Variants in STRIP2 observed in about 807,000 individuals in gnomAD.
STRIP2 encodes striatin interacting protein 2, also known as striatin-interacting protein 2.
Under a neutral mutation model 107.1 loss-of-function variants are expected in STRIP2, and 84 were observed. The observed-to-expected ratio is 0.78, with a 90% CI of 0.66 to 0.94. The LOEUF is 0.94. Among genes scored for constraint, STRIP2 ranks in the 40% least tolerant of loss-of-function variants. STRIP2 has a pLI of 0.00. For missense variants in STRIP2, 888 were observed against 1,034.2 expected (o/e 0.86, Z 1.94); for synonymous variants, 394 against 400.4 (o/e 0.98, Z 0.19).
At chr7:129,481,289 G>T (rs1411000087) in intron 19 of STRIP2, among the ~76,000 whole-genome samples, 1 of 151,216 alleles carries the variant, frequency 6.6e-6, no homozygotes, top group East Asian at 2.0e-4. Flanking sequence ...ACAAGGTCAG[G>T]AGTTCGAGAC....
At chr7:129,460,127 G>A (rs539095927) in intron 12 of STRIP2, among the ~76,000 whole-genome samples, 174 bp from the exon 13 acceptor site, 1 of 152,358 alleles carries the variant, frequency 6.6e-6, no homozygotes, top group East Asian at 1.9e-4. Flanking sequence ...CACTTTGACT[G>A]GTGCTGATGA....
At chr7:129,447,582 C>T (rs1031237511) in intron 3 of STRIP2, among the ~76,000 whole-genome samples, 10 of 152,126 alleles carry the variant, frequency 6.6e-5, no homozygotes, top group East Asian at 1.9e-4. Context: ...AAGGTCTCTC[C>T]GAATAAGATT....
chr7:129,442,225 A>T (rs1797919901), intron 2 of STRIP2, among the ~76,000 whole-genome samples: 2 of 151,982 alleles, frequency 1.3e-5, no homozygotes, highest in Admixed American at 1.3e-4. Flanking sequence ...ACTCCATCTC[A>T]AATAATAATA....
intron 17 of STRIP2, among the ~76,000 whole-genome samples, chr7:129,470,015 A>G (rs1043410896): frequency 6.6e-6 from 1 of 152,200 alleles, no homozygotes; most frequent in Non-Finnish European, 1.5e-5. Flanking sequence ...GTCATAATGC[A>G]ATGCCTTATT....
At chr7:129,472,776 C>CTTTTTTT (rs1798822125) in intron 18 of STRIP2, among the ~76,000 whole-genome samples, 4 of 78,278 alleles carry the variant, frequency 5.1e-5, no homozygotes, top group African/African-American at 9.7e-5. Flanking sequence ...TTTTCTTTTC[C>CTTTTTTT]TTTTTTTTTT....
rs544536095 is a variant in STRIP2 at position 129,486,996 on chromosome 7, C to CTTTTTT, written c.*1196_*1201dup. 36 of 53,202 alleles carry CTTTTTT rather than the reference C, an allele frequency of 6.8e-4. 1 individual carries two copies. The highest frequency in any genetic ancestry group is 1.1e-3 in the South Asian group (1 of 938). The allele number at this position is 53,202 out of a possible 1,614,324, so 3.3% of individuals were successfully genotyped here. A position where few individuals can be genotyped will look rare whatever the true frequency, so the allele number is the denominator to read the frequency against. ...TTTCTGATTTAGTTAGGATCATATG[C>CTTTTTT]TTTTTTTTTTTTTTTTTTTTTTTTT... is the stretch of plus-strand genomic sequence containing the variant. On this transcript the variant is annotated 3_prime_UTR_variant, in exon 21 of 21. Transcript: ENST00000249344.
At chr7:129,466,615 G>A (rs1223839585) in intron 16 of STRIP2, among the ~76,000 whole-genome samples, 1 of 152,074 alleles carries the variant, frequency 6.6e-6, no homozygotes, top group Non-Finnish European at 1.5e-5. Context: ...CTGCTCTTAT[G>A]GCCACCTGTC....
intron 8 of STRIP2, among the ~76,000 whole-genome samples, 175 bp from the exon 9 acceptor site, chr7:129,456,264 C>T (rs568874051): frequency 4.1e-4 from 62 of 151,396 alleles, no homozygotes; most frequent in African/African-American, 1.3e-3. Flanking sequence ...CCTCAGTTGC[C>T]GTGGGGATGG....
rs758536953 is a variant in STRIP2 at position 129,450,918 on chromosome 7, C to CTTTTTTTTTTTTT, written c.275-671_275-659dup. Among the ~76,000 whole-genome samples, 4 of 54,512 alleles carry CTTTTTTTTTTTTT rather than the reference C, an allele frequency of 7.3e-5. 1 individual carries two copies. The highest frequency in any genetic ancestry group is 2.4e-4 in the African/African-American group (3 of 12,684). 35.8% of individuals were successfully genotyped at this position (54,512 alleles called of 152,430 possible). On this transcript the variant is annotated intron_variant, in intron 3 of 20. Coordinates refer to ENST00000249344, the MANE Select transcript of STRIP2 (RefSeq NM_020704.3). ...GGCCACAGCATTAGTGAGAAAGGTC[C>CTTTTTTTTTTTTT]TTTTTTTTTTTTTTTTTTTTTTTTT...
Position 129,483,272 on chromosome 7 carries a change from T to G in STRIP2, c.2254+226T>G. ...ATGAAAATCCGTTTTATAAAACAAG[T>G]AAATTGAGAGATAATTAATTGCCTT... On this transcript the variant is annotated intron_variant, in intron 20 of 20. Coordinates refer to ENST00000249344, the MANE Select transcript of STRIP2 (RefSeq NM_020704.3). This position sits in a 1 kb window ranked among gnomAD's most constrained non-coding sequence, Gnocchi z 5.1. 8.0e-7 allele frequency: 1 copy of G among 1,244,546 alleles called. No individual in the cohort carries two copies. The highest frequency in any genetic ancestry group is 1.0e-6 in the Non-Finnish European group (1 of 992,756). 77.1% of individuals were successfully genotyped at this position (1,244,546 alleles called of 1,614,324 possible).
chr7:129,482,675 G>GC (rs370196841), intron 19 of STRIP2, among the ~76,000 whole-genome samples, 167 bp from the exon 20 acceptor site: 2 of 152,092 alleles, frequency 1.3e-5, no homozygotes, highest in African/African-American at 4.8e-5. Flanking sequence ...ACCTTGCCCA[G>GC]CCCCCCTCTA....
In STRIP2 at chr7:129,454,142, C is replaced by G. The variant is rs781391687; in HGVS notation, c.531C>G (p.Asp177Glu). The G allele has an allele frequency of 6.2e-7, 1 of 1,613,984 alleles. No individual in the cohort carries two copies. Among genetic ancestry groups the G allele is most frequent in the Non-Finnish European group, 8.5e-7 (1 of 1,179,930 alleles). ...TFLELLHMEI[D>E]NSQACSSALR... ...TGTTCTTTTTCTCCTCCCCTGGCAGCAACAGCCAGGCCTGTAGCAGTGCCC... is the reference window on the plus strand; with the variant it reads ...TGTTCTTTTTCTCCTCCCCTGGCAGGAACAGCCAGGCCTGTAGCAGTGCCC... The change falls in exon 6 of 21, where the codon GAC becomes GAG. Residue 177 changes from aspartate (D) to glutamate (E), a missense_variant and splice_region_variant. Physicochemically the swap from Asp to Glu is conservative, Grantham distance 45 (BLOSUM62 2). Coordinates refer to ENST00000249344, the MANE Select transcript of STRIP2 (RefSeq NM_020704.3).
Position 129,458,615 on chromosome 7 carries a change from T to TATC in STRIP2, c.1275-97_1275-96insATC. ...TTGCTGCCTTTTTCCACTGCTCCAG[T>TATC]CCTCTGATTGGAGGGATAGGAGCCC... On this transcript the variant is annotated intron_variant, in intron 10 of 20. Transcript: ENST00000249344. This position sits in a 1 kb window ranked among gnomAD's most constrained non-coding sequence, Gnocchi z 4.6. 7.1e-7 allele frequency: 1 copy of TATC among 1,412,250 alleles called. No individual in the cohort carries two copies. Among genetic ancestry groups the TATC allele is most frequent in the Non-Finnish European group, 9.9e-7 (1 of 1,007,704 alleles). The allele number at this position is 1,412,250 out of a possible 1,614,324, so 87.5% of individuals were successfully genotyped here. A position where few individuals can be genotyped will look rare whatever the true frequency, so the allele number is the denominator to read the frequency against.
At chr7:129,476,577 C>T (rs1412415642) in intron 18 of STRIP2, among the ~76,000 whole-genome samples, 2 of 150,504 alleles carry the variant, frequency 1.3e-5, no homozygotes, top group African/African-American at 2.4e-5. Flanking sequence ...ACATCCCAGA[C>T]GGGGCGGAGG....
intron 18 of STRIP2, among the ~76,000 whole-genome samples, 196 bp downstream of exon 18, chr7:129,470,911 C>T (rs188754847): frequency 1.4e-4 from 22 of 152,168 alleles, no homozygotes; most frequent in African/African-American, 4.6e-4. Flanking sequence ...AAAAGTTTAG[C>T]GTAGCATTTT....
intron 2 of STRIP2, among the ~76,000 whole-genome samples, chr7:129,442,842 T>C (rs757068033): frequency 6.6e-6 from 1 of 152,128 alleles, no homozygotes; most frequent in Non-Finnish European, 1.5e-5. Flanking sequence ...TCTTGCTTTG[T>C]GAATTACCTG....
chr7:129,445,174 C>A (rs1187253110), intron 3 of STRIP2, among the ~76,000 whole-genome samples: 1 of 152,144 alleles, frequency 6.6e-6, no homozygotes, highest in African/African-American at 2.4e-5. Flanking sequence ...AATCACAGGG[C>A]ATAGTAATAC....
rs958229656 is a variant in STRIP2, at chr7:129,487,451, C to T, written c.*1622C>T. 1 of 152,140 alleles carries T rather than the reference C, an allele frequency of 6.6e-6. No homozygotes were observed. The highest frequency in any genetic ancestry group is 2.4e-5 in the African/African-American group (1 of 41,418). 9.4% of individuals were successfully genotyped at this position (152,140 alleles called of 1,614,324 possible). A position where few individuals can be genotyped will look rare whatever the true frequency, so the allele number is the denominator to read the frequency against. On this transcript the variant is annotated 3_prime_UTR_variant, in exon 21 of 21. Transcript: ENST00000249344. ...CTTATTTACTCTGCCCCTCGTCAAC[C>T]ACAGTATCATTTCAAGGACATGAAT...
chr7:129,441,220 T>G (rs951597944), intron 2 of STRIP2, among the ~76,000 whole-genome samples: 1 of 152,048 alleles, frequency 6.6e-6, no homozygotes, highest in Non-Finnish European at 1.5e-5. Context: ...CTTAAAAGCC[T>G]GGGGTTGGTG....
Sources: gnomAD v4.1 joint callset for allele counts (sites outside exome capture counted in the v4.1 genomes callset) on GRCh38, gnomAD v4.1.1 for gene constraint, Gnocchi (gnomAD v3.1) non-coding constraint, MANE v1.5 for transcripts, NCBI Gene and HGNC (gene_info 2026-07-23, HGNC 2026-07-21) for gene names.